NOVA1: variants seen among roughly 807,000 people sequenced by gnomAD.
The protein encoded by NOVA1 is NOVA alternative splicing regulator 1, also known as RNA-binding protein Nova-1.
In NOVA1, 7 loss-of-function variants were observed where a neutral mutation model predicts 38.0. The observed-to-expected ratio is 0.18, with a 90% CI of 0.10 to 0.35. The LOEUF is 0.35. NOVA1 is among the 10% of genes least tolerant of loss of function. NOVA1 has a pLI of 1.00. For missense variants in NOVA1, 460 were observed against 616.0 expected, an observed-to-expected ratio of 0.75 and a Z score of 2.68; for synonymous variants, 270 against 232.5, an observed-to-expected ratio of 1.16 and a Z score of -1.47.
At chr14:26,479,933 T>C in intron 3 of NOVA1, 44 bp downstream of exon 3, 7 of 1,596,978 alleles carry the variant, frequency 4.4e-6, no homozygotes, top group Non-Finnish European at 6.0e-6. Flanking sequence ...GAACTTATAC[T>C]ATGCTGTGGA....
At chr14:26,529,602 G>C (rs1889555309) in intron 2 of NOVA1, among the ~76,000 whole-genome samples, 1 of 152,150 alleles carries the variant, frequency 6.6e-6, no homozygotes, top group Non-Finnish European at 1.5e-5. Flanking sequence ...TTAGCAGAAT[G>C]GTTCGTGATC....
chr14:26,547,671 C>T (rs1890873382), intron 2 of NOVA1, among the ~76,000 whole-genome samples: 1 of 152,048 alleles, frequency 6.6e-6, no homozygotes, highest in South Asian at 2.1e-4. Flanking sequence ...CTGTCAAATA[C>T]TGATGACTTC....
chr14:26,470,779 T>C (rs1463105667), intron 4 of NOVA1, among the ~76,000 whole-genome samples: 1 of 152,230 alleles, frequency 6.6e-6, no homozygotes, highest in East Asian at 1.9e-4. Flanking sequence ...GAGGTTTTCT[T>C]TTCTAGATCC....
At chr14:26,461,287 A>C (rs1883643173) in intron 4 of NOVA1, among the ~76,000 whole-genome samples, 1 of 152,168 alleles carries the variant, frequency 6.6e-6, no homozygotes, top group African/African-American at 2.4e-5. Context: ...TCAATCTTAA[A>C]GTCTTAGGCG....
At position 26,597,466 on chromosome 14, in the gene NOVA1, G is replaced by A. The variant is rs1241089167; in HGVS notation, c.-30C>T. On this transcript the variant is annotated 5_prime_UTR_variant, in exon 1 of 5. Transcript: ENST00000539517. ...GCAGTTCCTGCCGCTGCTACCGGGA[G>A]AAGGTTCTCCCTTTTGTTTTGGCTT... The A allele has an allele frequency of 1.7e-6, 2 of 1,207,154 alleles. No individual in the cohort carries two copies. Among genetic ancestry groups the A allele is most frequent in the Non-Finnish European group, 2.1e-6 (2 of 961,082 alleles). 74.8% of individuals were successfully genotyped at this position (1,207,154 alleles called of 1,614,324 possible).
At chr14:26,450,794 C>T (rs1882606520) in intron 4 of NOVA1, among the ~76,000 whole-genome samples, 1 of 152,038 alleles carries the variant, frequency 6.6e-6, no homozygotes, top group African/African-American at 2.4e-5. Flanking sequence ...ACATGAAATA[C>T]TGAGAAAATG....
chr14:26,597,091 C>T, intron 1 of NOVA1: 1 of 1,230,784 alleles, frequency 8.1e-7, no homozygotes, highest in Non-Finnish European at 1.0e-6. Context: ...ATGATAAACA[C>T]AGAAATGGAA....
intron 2 of NOVA1, among the ~76,000 whole-genome samples, chr14:26,520,104 A>G (rs1477617457): frequency 1.3e-5 from 2 of 152,246 alleles, no homozygotes; most frequent in African/African-American, 4.8e-5. Context: ...TTGTTGATAC[A>G]TTAACATTTA....
intron 2 of NOVA1, among the ~76,000 whole-genome samples, chr14:26,562,991 T>G (rs1393794423): frequency 2.0e-5 from 3 of 151,992 alleles, no homozygotes; most frequent in African/African-American, 7.2e-5. Context: ...TAGTGAAAGT[T>G]TAAGAACTCA....
At chr14:26,590,753 C>T (rs17111422) in intron 2 of NOVA1, among the ~76,000 whole-genome samples, 1,548 of 151,594 alleles carry the variant, frequency 0.01, 26 homozygotes, top group African/African-American at 0.036. Flanking sequence ...TCCTGAAATC[C>T]TTTGGGGTAG....
intron 1 of NOVA1, chr14:26,596,889 A>G: frequency 8.6e-7 from 1 of 1,165,830 alleles, no homozygotes; most frequent in Admixed American, 3.9e-5. Context: ...AGTGCCATTT[A>G]TTTATTTATT....
chr14:26,462,018 G>A (rs554679285), intron 4 of NOVA1, among the ~76,000 whole-genome samples: 1 of 152,010 alleles, frequency 6.6e-6, no homozygotes, highest in East Asian at 1.9e-4. Flanking sequence ...ACCTCTAACT[G>A]TATTTAATAA....
intron 2 of NOVA1, among the ~76,000 whole-genome samples, chr14:26,514,629 C>A (rs1888327819): frequency 6.6e-6 from 1 of 151,730 alleles, no homozygotes; most frequent in Non-Finnish European, 1.5e-5. Flanking sequence ...TTTTCTCCTC[C>A]TAAAGGAACA....
At chr14:26,583,881 TCACACACACACACA>T (rs36218600) in intron 2 of NOVA1, among the ~76,000 whole-genome samples, 184 of 146,024 alleles carry the variant, frequency 1.3e-3, no homozygotes, top group Admixed American at 3.0e-3. Flanking sequence ...AGCATCAAAT[TCACACACACACACA>T]CACACACACA....
intron 2 of NOVA1, among the ~76,000 whole-genome samples, chr14:26,528,806 G>A (rs1566507184): frequency 6.6e-6 from 1 of 152,100 alleles, no homozygotes; most frequent in African/African-American, 2.4e-5. Flanking sequence ...GTGCCCTGTG[G>A]TCTTCTTCTA....
intron 2 of NOVA1, among the ~76,000 whole-genome samples, chr14:26,535,363 A>C (rs1433798637): frequency 2.0e-5 from 3 of 152,204 alleles, no homozygotes; most frequent in African/African-American, 7.2e-5. Context: ...AGGAAGGATA[A>C]AGTGGCAAAA....
intron 2 of NOVA1, among the ~76,000 whole-genome samples, chr14:26,544,995 T>C (rs559232540): frequency 2.6e-5 from 4 of 152,140 alleles, no homozygotes; most frequent in South Asian, 2.1e-4. Context: ...ATTTTATAAA[T>C]ATAGAATCCA....
At chr14:26,566,186 T>C (rs1892125652) in intron 2 of NOVA1, among the ~76,000 whole-genome samples, 1 of 152,150 alleles carries the variant, frequency 6.6e-6, no homozygotes, top group African/African-American at 2.4e-5. Context: ...TCAAGGTTAC[T>C]AAAAGATATC....
At chr14:26,554,207 G>GGGAC (rs753963097) in intron 2 of NOVA1, among the ~76,000 whole-genome samples, 123 of 149,182 alleles carry the variant, frequency 8.2e-4, no homozygotes, top group Non-Finnish European at 1.6e-3. Context: ...GAGGGAGGGA[G>GGGAC]GGAGGGAGGA....
Sources: gnomAD v4.1 joint callset for allele counts (sites outside exome capture counted in the v4.1 genomes callset) on GRCh38, gnomAD v4.1.1 for gene constraint, MANE v1.5 for transcripts, NCBI Gene and HGNC (gene_info 2026-07-23, HGNC 2026-07-21) for gene names.